The following OGFRL1 variants were observed in gnomAD, a reference collection of about 807,000 sequenced individuals.
OGFRL1 encodes opioid growth factor receptor like 1.
Under a neutral mutation model 32.4 loss-of-function variants are expected in OGFRL1, and 26 were observed. The observed-to-expected ratio is 0.80, with a 90% CI of 0.59 to 1.11. The LOEUF (loss-of-function observed/expected upper bound fraction) is 1.11, where lower values mean the gene tolerates loss of function less well. OGFRL1 is among the 50% of genes most tolerant of loss of function. The pLI is 0.00. For synonymous variants in OGFRL1, 211 were observed against 201.2 expected, an observed-to-expected ratio of 1.05 and a Z score of -0.41; for missense variants, 521 against 546.4, an observed-to-expected ratio of 0.95 and a Z score of 0.46.
At position 71,305,102 on chromosome 6, in the gene OGFRL1, T is replaced by G. The variant is rs1766508898; in HGVS notation, c.*3053T>G. On this transcript the variant is annotated 3_prime_UTR_variant, in exon 7 of 7. Coordinates refer to ENST00000370435, the MANE Select transcript of OGFRL1 (RefSeq NM_024576.5). ...AAAAATGCAGTGAAGCATGACCAAA[T>G]AGCTAAAAATATTACTGAATCTTTA... 2 of 152,052 alleles carry G rather than the reference T, an allele frequency of 1.3e-5. No homozygotes were observed. Among genetic ancestry groups the G allele is most frequent in the East Asian group, 3.8e-4 (2 of 5,196 alleles). The allele number at this position is 152,052 out of a possible 1,614,324, so 9.4% of individuals were successfully genotyped here. A position where few individuals can be genotyped will look rare whatever the true frequency, so the allele number is the denominator to read the frequency against.
At chr6:71,289,713 A>G (rs1036593352) in intron 1 of OGFRL1, 1 of 985,132 alleles carries the variant, frequency 1.0e-6, no homozygotes, top group Non-Finnish European at 1.2e-6. Flanking sequence ...AGGCCTTTCA[A>G]CCTAGGATTC....
chr6:71,292,670 G>A (rs903016110), intron 1 of OGFRL1, among the ~76,000 whole-genome samples: 2 of 152,138 alleles, frequency 1.3e-5, no homozygotes, highest in African/African-American at 4.8e-5. Context: ...ATTGCTTTGT[G>A]TGTATATATT....
At chr6:71,289,776 G>T (rs1190659880) in intron 1 of OGFRL1, 1 of 985,338 alleles carries the variant, frequency 1.0e-6, no homozygotes, top group Non-Finnish European at 1.2e-6. Flanking sequence ...ATCCAACTGT[G>T]TTTGAACTGT....
chr6:71,288,894 C>T lies in OGFRL1; in HGVS notation c.-43C>T. ...GCCCTAGAGCGCCTGCCGCAGCTTG[C>T]GCCCCGCAGCCCCGCAGCCCCGCGC... On this transcript the variant is annotated 5_prime_UTR_variant, in exon 1 of 7. Transcript: ENST00000370435. 3 of 1,229,214 alleles carry T rather than the reference C, an allele frequency of 2.4e-6. No individual in the cohort carries two copies. The highest frequency in any genetic ancestry group is 3.1e-6 in the Non-Finnish European group (3 of 969,118). 76.1% of individuals were successfully genotyped at this position (1,229,214 alleles called of 1,614,324 possible).
chr6:71,302,871 A>T lies in OGFRL1; in HGVS notation c.*822A>T, dbSNP rs542332482. On this transcript the variant is annotated 3_prime_UTR_variant, in exon 7 of 7. Coordinates refer to ENST00000370435, the MANE Select transcript of OGFRL1 (RefSeq NM_024576.5). ...AGTATCTCAACGTGTTTATTTTTAG[A>T]TTCTGATAAGTGAAATGGATGTCCT... 6.6e-6 allele frequency: 1 copy of T among 152,148 alleles called. No homozygotes were observed. Among genetic ancestry groups the T allele is most frequent in the African/African-American group, 2.4e-5 (1 of 41,500 alleles). 9.4% of individuals were successfully genotyped at this position (152,148 alleles called of 1,614,324 possible). A position where few individuals can be genotyped will look rare whatever the true frequency, so the allele number is the denominator to read the frequency against.
At position 71,302,586 on chromosome 6, in the gene OGFRL1, C is replaced by T; in HGVS notation, c.*537C>T. The T allele has an allele frequency of 6.6e-6, 1 of 152,404 alleles. No homozygotes were observed. Among genetic ancestry groups the T allele is most frequent in the Non-Finnish European group, 1.5e-5 (1 of 68,224 alleles). 9.4% of individuals were successfully genotyped at this position (152,404 alleles called of 1,614,324 possible). ...TCCTGGACTCAAACGATTCTCCTGC[C>T]TCAGCCTCCTGAGTAGCTGGGATTA... is the stretch of plus-strand genomic sequence containing the variant. On this transcript the variant is annotated 3_prime_UTR_variant, in exon 7 of 7. Transcript: ENST00000370435.
rs1172883928 is a variant in OGFRL1 at position 71,293,576 on chromosome 6, G to A, written c.365G>A (p.Arg122His). The A allele has an allele frequency of 3.1e-6, 5 of 1,612,682 alleles. No individual in the cohort carries two copies. Among genetic ancestry groups the A allele is most frequent in the East Asian group, 2.2e-5 (1 of 44,824 alleles). Residue 122 changes from arginine (R) to histidine (H), a missense_variant, in exon 3 of 7, where the codon CGT becomes CAT. Arg to His is a conservative substitution (Grantham distance 29, BLOSUM62 0). Coordinates refer to ENST00000370435, the MANE Select transcript of OGFRL1 (RefSeq NM_024576.5). ...TATCAAAATGACTTGAGCAATCTTC[G>A]TTTTTATAAGAATAAAATTCCATTC... ...IRYQNDLSNL[R>H]FYKNKIPFKP...
In OGFRL1 at chr6:71,307,783, T is replaced by C. The variant is rs1196371424; in HGVS notation, c.*5734T>C. ...CTACACTCATTAGTCAAATGAACTT[T>C]TCTTTCCCAGTGCTAACAGATTTTG... On this transcript the variant is annotated 3_prime_UTR_variant, in exon 7 of 7. Transcript: ENST00000370435. 1 of 152,218 alleles carries C rather than the reference T, an allele frequency of 6.6e-6. No homozygotes were observed. Among genetic ancestry groups the C allele is most frequent in the East Asian group, 1.9e-4 (1 of 5,196 alleles). The allele number at this position is 152,218 out of a possible 1,614,324, so 9.4% of individuals were successfully genotyped here.
rs199868990 is a variant in OGFRL1, at chr6:71,296,639, A to G, written c.547-33A>G. The stretch of plus-strand genomic sequence containing the variant: ...TCACTGTCCTTGTAGCTACTGAATC[A>G]TTTCAGGTGACTTTTTTCATTTTTT... On this transcript the variant is annotated intron_variant, in intron 5 of 6. Coordinates refer to ENST00000370435, the MANE Select transcript of OGFRL1 (RefSeq NM_024576.5). The G allele has an allele frequency of 1.1e-5, 18 of 1,608,560 alleles. No homozygotes were observed. In the Admixed American group the frequency reaches 2.4e-4, roughly 21 times the overall value.
chr6:71,296,609 C>T (rs936519446), intron 5 of OGFRL1, 48 bp downstream of exon 5: 9 of 1,606,156 alleles, frequency 5.6e-6, no homozygotes, highest in African/African-American at 2.7e-5. Context: ...AATAATATTG[C>T]TATTTCACTG....
rs1431333491 is a variant in OGFRL1, at chr6:71,293,584, A to G, written c.373A>G (p.Lys125Glu). Residue 125 changes from lysine to glutamate, a missense_variant, in exon 3 of 7, where the codon AAG becomes GAG. Coordinates refer to ENST00000370435, the MANE Select transcript of OGFRL1 (RefSeq NM_024576.5). ...QNDLSNLRFY[K>E]NKIPFKPDGV... is the part of the protein sequence containing the mutation. ...TGACTTGAGCAATCTTCGTTTTTAT[A>G]AGAATAAAATTCCATTCAAGCCAGA... 1 of 1,612,478 alleles carries G rather than the reference A, an allele frequency of 6.2e-7. No homozygotes were observed. The highest frequency in any genetic ancestry group is 1.1e-5 in the South Asian group (1 of 90,968).
In OGFRL1 at chr6:71,308,274, TTGTGTGGCATTA is replaced by T. The variant is rs1448570925; in HGVS notation, c.*6227_*6238del. The T allele has an allele frequency of 6.6e-6, 1 of 152,204 alleles. No homozygotes were observed. The allele number at this position is 152,204 out of a possible 1,614,324, so 9.4% of individuals were successfully genotyped here. ...CTGTCAAGAGTTGACAGCATATTAA[TTGTGTGGCATTA>T]TAATTGTGAGAAACAAATGAGAGCA... On this transcript the variant is annotated 3_prime_UTR_variant, in exon 7 of 7. Transcript: ENST00000370435.
At chr6:71,298,053 A>C in intron 6 of OGFRL1, among the ~76,000 whole-genome samples, 1 of 148,008 alleles carries the variant, frequency 6.8e-6, no homozygotes, top group Non-Finnish European at 1.5e-5. Flanking sequence ...TTAATGTTAT[A>C]AGAAGTAAAA....
At position 71,288,885 on chromosome 6, in the gene OGFRL1, C is replaced by G; in HGVS notation, c.-52C>G. 1.7e-6 allele frequency: 2 copies of G among 1,204,516 alleles called. No homozygotes were observed. Among genetic ancestry groups the G allele is most frequent in the Non-Finnish European group, 2.1e-6 (2 of 955,382 alleles). The allele number at this position is 1,204,516 out of a possible 1,614,324, so 74.6% of individuals were successfully genotyped here. A position where few individuals can be genotyped will look rare whatever the true frequency, so the allele number is the denominator to read the frequency against. On this transcript the variant is annotated 5_prime_UTR_variant, in exon 1 of 7. Transcript: ENST00000370435. Reference sequence around the variant, plus strand: ...CATGCCCGGGCCCTAGAGCGCCTGCCGCAGCTTGCGCCCCGCAGCCCCGCA... The same window carrying G: ...CATGCCCGGGCCCTAGAGCGCCTGCGGCAGCTTGCGCCCCGCAGCCCCGCA...
chr6:71,298,983 C>T (rs139400952), intron 6 of OGFRL1, among the ~76,000 whole-genome samples: 3,206 of 152,144 alleles, frequency 0.021, 57 homozygotes, highest in South Asian at 0.038. Context: ...AATAAAATAA[C>T]ATTGAGTGAA....
Position 71,301,867 on chromosome 6 carries a change from A to G in OGFRL1, c.1174A>G (p.Arg392Gly), listed in dbSNP as rs1258473012. Residue 392 changes from arginine to glycine, a missense_variant, in exon 7 of 7, where the codon AGA (arginine) becomes GGA (glycine). By Grantham distance (125) the Arg-to-Gly change is moderately radical (BLOSUM62 -2). Coordinates refer to ENST00000370435, the MANE Select transcript of OGFRL1 (RefSeq NM_024576.5). ...PEPSNEAAKP[R>G]NTEKDSNAEN... is the part of the protein sequence containing the mutation. ...GCCCAGCAATGAAGCTGCCAAGCCAAGAAATACAGAGAAGGACAGTAATGC... is the reference window on the plus strand; with the variant it reads ...GCCCAGCAATGAAGCTGCCAAGCCAGGAAATACAGAGAAGGACAGTAATGC... The G allele has an allele frequency of 1.2e-6, 2 of 1,613,140 alleles. No homozygotes were observed. Among genetic ancestry groups the G allele is most frequent in the South Asian group, 2.2e-5 (2 of 90,880 alleles).
intron 6 of OGFRL1, among the ~76,000 whole-genome samples, chr6:71,298,162 T>A (rs1766272328): frequency 6.6e-6 from 1 of 152,044 alleles, no homozygotes; most frequent in Admixed American, 6.6e-5. Context: ...TATTCCTGAC[T>A]AGAAGATCCA....
At chr6:71,301,314 C>T in intron 6 of OGFRL1, 72 bp from the exon 7 acceptor site, 1 of 1,252,356 alleles carries the variant, frequency 8.0e-7, no homozygotes, top group South Asian at 1.5e-5. Context: ...AAATATTTTC[C>T]CAATAGTTTT....
rs1193824054 is a variant in OGFRL1, at chr6:71,304,118, T to G, written c.*2069T>G. ...GAAATATGATTTTACTGCTTTGAAG[T>G]TTACATGAAACATGCCAGTTGCTTA... On this transcript the variant is annotated 3_prime_UTR_variant, in exon 7 of 7. Coordinates refer to ENST00000370435, the MANE Select transcript of OGFRL1 (RefSeq NM_024576.5). 6.6e-6 allele frequency: 1 copy of G among 152,164 alleles called. No homozygotes were observed. The highest frequency in any genetic ancestry group is 2.4e-5 in the African/African-American group (1 of 41,448). The allele number at this position is 152,164 out of a possible 1,614,324, so 9.4% of individuals were successfully genotyped here. A position where few individuals can be genotyped will look rare whatever the true frequency, so the allele number is the denominator to read the frequency against.
Sources: allele counts gnomAD v4.1 joint callset (sites outside exome capture counted in the v4.1 genomes callset), GRCh38; gene constraint gnomAD v4.1.1; transcripts MANE v1.5; gene names NCBI Gene and HGNC (gene_info 2026-07-23, HGNC 2026-07-21).